Variants in SLC38A11 observed in about 807,000 individuals in gnomAD.
SLC38A11 encodes putative sodium-coupled neutral amino acid transporter 11.
SLC38A11 carries 51 observed loss-of-function variants against 49.4 expected under a neutral mutation model. The observed-to-expected ratio is 1.03, with a 90% CI of 0.83 to 1.30. The LOEUF (loss-of-function observed/expected upper bound fraction) is 1.30. Among genes scored for constraint, SLC38A11 ranks in the 50% most tolerant of loss-of-function variants. SLC38A11 has a pLI of 0.00. For synonymous variants in SLC38A11, 203 were observed against 192.9 expected (o/e 1.05, Z -0.43); for missense variants, 574 against 556.2 (o/e 1.03, Z -0.32).
chr2:164,903,401 T>C (rs1684790789), intron 11 of SLC38A11, among the ~76,000 whole-genome samples: 1 of 152,202 alleles, frequency 6.6e-6, no homozygotes, highest in Non-Finnish European at 1.5e-5. Context: ...GTTCTATTTA[T>C]GTTATAATTC....
At chr2:164,945,255 C>CTTT (rs35471502) in intron 4 of SLC38A11, among the ~76,000 whole-genome samples, 5 of 138,640 alleles carry the variant, frequency 3.6e-5, no homozygotes, top group South Asian at 2.3e-4. Context: ...AAATCCTTTG[C>CTTT]TTTTTTTTTT....
Position 164,915,238 on chromosome 2 carries a change from T to C in SLC38A11, c.724A>G (p.Ser242Gly). The C allele has an allele frequency of 6.2e-7, 1 of 1,609,684 alleles. No homozygotes were observed. Residue 242 changes from serine (S) to glycine (G), a missense_variant, in exon 9 of 12, where the codon AGT becomes GGT. Physicochemically the swap from Ser to Gly is moderately conservative, Grantham distance 56. Coordinates refer to ENST00000685975, the MANE Select transcript of SLC38A11 (RefSeq NM_001351537.2). Reference protein sequence around the residue: ...ICHHNSFLVYSSLEEPTVAKW... With the variant: ...ICHHNSFLVYGSLEEPTVAKW... ...GCTACTGTGGGTTCTTCTAGAGAAC[T>C]GTAAACTAAGAAGGAGTTATGGTGG...
At chr2:164,944,674 C>A in intron 4 of SLC38A11, 40 bp from the exon 5 acceptor site, 1 of 801,858 alleles carries the variant, frequency 1.2e-6, no homozygotes, top group South Asian at 4.4e-5. Context: ...AATAAGCCAT[C>A]TCATATTTCA....
At chr2:164,954,881 G>A (rs767248175) in intron 1 of SLC38A11, 136 bp from the exon 2 acceptor site, 5 of 554,812 alleles carry the variant, frequency 9.0e-6, no homozygotes, top group South Asian at 2.8e-5. Flanking sequence ...AATAAATGCC[G>A]GGATAACAGT....
chr2:164,943,846 A>G (rs1479636898), intron 5 of SLC38A11, among the ~76,000 whole-genome samples: 1 of 151,956 alleles, frequency 6.6e-6, no homozygotes, highest in Admixed American at 6.6e-5. Flanking sequence ...AACTCACAGA[A>G]TATAGTTTCT....
intron 7 of SLC38A11, among the ~76,000 whole-genome samples, chr2:164,927,853 C>G (rs1050379101): frequency 5.3e-5 from 8 of 152,116 alleles, no homozygotes; most frequent in African/African-American, 1.9e-4. Flanking sequence ...TAAGTTTGTT[C>G]CACAAACTAT....
At chr2:164,936,415 A>T (rs1687376825) in intron 7 of SLC38A11, among the ~76,000 whole-genome samples, 1 of 152,146 alleles carries the variant, frequency 6.6e-6, no homozygotes, top group African/African-American at 2.4e-5. Context: ...CTGCATTAAC[A>T]ATTAGGGCTA....
Position 164,898,684 on chromosome 2 carries a change from C to G in SLC38A11, c.1142G>C (p.Cys381Ser), listed in dbSNP as rs1183329211. The change falls in exon 12 of 12, where the codon TGT becomes TCT. Residue 381 changes from cysteine (C) to serine (S), a missense_variant. Cys to Ser is a moderately radical substitution (Grantham distance 112). Coordinates refer to ENST00000685975, the MANE Select transcript of SLC38A11 (RefSeq NM_001351537.2). ...TGGTTCTTCAGACAGTTTCAGATAA[C>G]AGGCTGATGGAATGATAAAAATGAG... The part of the protein sequence containing the change: ...TPLIFIIPSA[C>S]YLKLSEEPRT... The G allele has an allele frequency of 6.2e-7, 1 of 1,613,350 alleles. No homozygotes were observed. Among genetic ancestry groups the G allele is most frequent in the Admixed American group, 1.7e-5 (1 of 59,884 alleles).
Position 164,897,646 on chromosome 2 carries a change from A to C in SLC38A11, c.*791T>G, listed in dbSNP as rs192747390. ...TTACACGTTTCTAGTTTCAAAGTTC[A>C]GCTTCCAGTTGTACATTCCTGACAG... On this transcript the variant is annotated 3_prime_UTR_variant, in exon 12 of 12. Coordinates refer to ENST00000685975, the MANE Select transcript of SLC38A11 (RefSeq NM_001351537.2). 6.6e-6 allele frequency: 1 copy of C among 152,372 alleles called. No individual in the cohort carries two copies. The highest frequency in any genetic ancestry group is 6.5e-5 in the Admixed American group (1 of 15,288). 9.4% of individuals were successfully genotyped at this position (152,372 alleles called of 1,614,324 possible). A position where few individuals can be genotyped will look rare whatever the true frequency, so the allele number is the denominator to read the frequency against.
At chr2:164,949,035 AT>A (rs569503705) in intron 3 of SLC38A11, among the ~76,000 whole-genome samples, 27 of 147,306 alleles carry the variant, frequency 1.8e-4, no homozygotes, top group East Asian at 1.6e-3. Context: ...TGGTATAATT[AT>A]TTTTTTTTTC....
In SLC38A11 at chr2:164,954,467, A is replaced by G. The variant is rs1333254482; in HGVS notation, c.154+164T>C. 4.6e-5 allele frequency among the ~76,000 whole-genome samples: 7 copies of G among 152,352 alleles called. No individual in the cohort carries two copies. In the East Asian group the frequency reaches 7.7e-4, roughly 17 times the overall value. ...TCTTCAGCATAAAAGACATGCATAC[A>G]TACTGTTACACTAGAAAAAAAGGAA... On this transcript the variant is annotated intron_variant, in intron 2 of 11. Transcript: ENST00000685975.
intron 2 of SLC38A11, 64 bp from the exon 3 acceptor site, chr2:164,952,845 C>G (rs985999630): frequency 8.1e-7 from 1 of 1,238,214 alleles, no homozygotes; most frequent in Non-Finnish European, 1.2e-6. Flanking sequence ...CAGAAATTCC[C>G]CCCTTCAATT....
intron 7 of SLC38A11, among the ~76,000 whole-genome samples, chr2:164,918,324 T>A (rs1685946055): frequency 1.3e-5 from 2 of 152,108 alleles, no homozygotes; most frequent in South Asian, 4.1e-4. Flanking sequence ...CAATATTTAT[T>A]AATAGCTGTT....
chr2:164,898,709 G>A lies in SLC38A11; in HGVS notation c.1117C>T (p.Leu373Phe), dbSNP rs745817507. 2 of 1,613,240 alleles carry A rather than the reference G, an allele frequency of 1.2e-6. No homozygotes were observed. The highest frequency in any genetic ancestry group is 1.3e-5 in the African/African-American group (1 of 74,982). The change falls in exon 12 of 12, where the codon CTC becomes TTC. Residue 373 changes from leucine (L) to phenylalanine (F), a missense_variant. Leu to Phe is a conservative substitution (Grantham distance 22). Coordinates refer to ENST00000685975, the MANE Select transcript of SLC38A11 (RefSeq NM_001351537.2). ...ELNGVLCATP[L>F]IFIIPSACYL... ...CAGGCTGATGGAATGATAAAAATGAGGGGAGTTGCACAGAGCACACCCTGC... is the reference window on the plus strand; with the variant it reads ...CAGGCTGATGGAATGATAAAAATGAAGGGAGTTGCACAGAGCACACCCTGC...
At chr2:164,932,788 A>G (rs1163820613) in intron 7 of SLC38A11, among the ~76,000 whole-genome samples, 1 of 152,046 alleles carries the variant, frequency 6.6e-6, no homozygotes, top group Non-Finnish European at 1.5e-5. Context: ...AATGGGTACT[A>G]GGCTTCATAC....
chr2:164,917,931 A>G (rs187858707), intron 7 of SLC38A11, among the ~76,000 whole-genome samples: 148 of 152,250 alleles, frequency 9.7e-4, no homozygotes, highest in Non-Finnish European at 1.7e-3. Context: ...TGATGATTTT[A>G]TAAGATGGAA....
At chr2:164,918,583 T>C (rs1685962559) in intron 7 of SLC38A11, among the ~76,000 whole-genome samples, 1 of 152,176 alleles carries the variant, frequency 6.6e-6, no homozygotes, top group Admixed American at 6.6e-5. Flanking sequence ...CCAGATAGGA[T>C]GTTCAATATC....
chr2:164,901,188 T>G (rs1034894744), intron 11 of SLC38A11, among the ~76,000 whole-genome samples: 2 of 152,158 alleles, frequency 1.3e-5, no homozygotes, highest in African/African-American at 4.8e-5. Flanking sequence ...TATCATACCG[T>G]TTTGATTACT....
intron 7 of SLC38A11, among the ~76,000 whole-genome samples, chr2:164,931,124 G>A (rs1336546767): frequency 1.3e-5 from 2 of 151,416 alleles, no homozygotes; most frequent in African/African-American, 2.4e-5. Flanking sequence ...CAAGCAGAGT[G>A]CCAAATCAGG....
Sources: gnomAD v4.1 joint callset for allele counts (sites outside exome capture counted in the v4.1 genomes callset) on GRCh38, gnomAD v4.1.1 for gene constraint, MANE v1.5 for transcripts, NCBI Gene and HGNC (gene_info 2026-07-23, HGNC 2026-07-21) for gene names.